YTHDF1: variants seen among roughly 807,000 people sequenced by gnomAD.
YTHDF1 encodes the protein YTH N6-methyladenosine RNA binding protein F1.
A neutral mutation model predicts 49.1 loss-of-function variants in YTHDF1; 16 were observed. The ratio of observed to expected loss-of-function variants is 0.33; its 90% CI spans 0.22 to 0.49. The LOEUF is 0.49. Among genes scored for constraint, YTHDF1 ranks in the 20% least tolerant of loss-of-function variants. The probability of loss-of-function intolerance (pLI) is 0.99; values close to 1 mark genes in which losing one functional copy is unlikely to be tolerated. For missense variants in YTHDF1, 621 were observed against 744.3 expected (o/e 0.83, Z 1.93); for synonymous variants, 313 against 290.1 (o/e 1.08, Z -0.80).
rs777226113 is a variant in YTHDF1, at chr20:63,202,848, G to A, written c.1092C>T (p.Ser364=). The A allele has an allele frequency of 5.0e-6, 8 of 1,613,922 alleles. No individual in the cohort carries two copies. In the South Asian group the frequency reaches 8.8e-5, roughly 18 times the overall value. Residue 364 remains serine, a synonymous_variant, in exon 4 of 5, where the codon TCC becomes TCT. Coordinates refer to ENST00000370339, the MANE Select transcript of YTHDF1 (RefSeq NM_017798.4). Reference sequence around the variant, plus strand: ...CCTTCAGTTTTTCAAGGACGGGGTGGGATTCGACGCTGGGGGCAGAATTAG... The same window carrying A: ...CCTTCAGTTTTTCAAGGACGGGGTGAGATTCGACGCTGGGGGCAGAATTAG... ...VQPNSAPSVE[S]HPVLEKLKAA...
Position 63,202,637 on chromosome 20 carries a change from A to G in YTHDF1, c.1303T>C (p.Tyr435His). The change falls in exon 4 of 5, where the codon TAC becomes CAC. Residue 435 changes from tyrosine (Y) to histidine (H), a missense_variant. Tyr to His is a moderately conservative substitution (Grantham distance 83). Around this residue, in one of 2 missense-constraint regions of YTHDF1, gnomAD observed 151 missense variants for 248.5 expected, o/e 0.61. Transcript: ENST00000370339. ...CTCCCATTGACGCTGAAGAGCAGGT[A>G]GACGGGCCCCTTGCTGCTCATGCAG... Reference protein sequence around the residue: ...FRCMSSKGPVYLLFSVNGSGH... With the variant: ...FRCMSSKGPVHLLFSVNGSGH... 1 of 1,613,962 alleles carries G rather than the reference A, an allele frequency of 6.2e-7. No homozygotes were observed. Among genetic ancestry groups the G allele is most frequent in the Non-Finnish European group, 8.5e-7 (1 of 1,180,034 alleles).
At position 63,215,592 on chromosome 20, in the gene YTHDF1, C is replaced by T. The variant is rs781760213; in HGVS notation, c.37G>A (p.Gly13Arg). ...CTCCGCTCACCTTTATTATCTTGTC[C>T]TTTTGTTCTCTGCACCGCCGCAGGC... ...ATSVDTQRTK[G>R]QDNKVQNGSL... Residue 13 changes from glycine to arginine, a missense_variant, in exon 2 of 5, where the codon GGA (glycine) becomes AGA (arginine). Gly to Arg is a moderately radical substitution (Grantham distance 125). This residue lies in a region of YTHDF1 where 470 missense variants were observed against 495.8 expected (regional missense o/e 0.95). Transcript: ENST00000370339. 1.4e-5 allele frequency: 23 copies of T among 1,612,064 alleles called. No homozygotes were observed. Among genetic ancestry groups the T allele is most frequent in the South Asian group, 7.7e-5 (7 of 91,006 alleles).
intron 1 of YTHDF1, 129 bp from the exon 2 acceptor site, chr20:63,215,730 C>G: frequency 7.2e-7 from 1 of 1,384,992 alleles, no homozygotes; most frequent in Non-Finnish European, 9.4e-7. Context: ...CGGTCACGTG[C>G]GACCCCGGCC....
In YTHDF1 at chr20:63,203,076, C is replaced by T. The variant is rs1475420697; in HGVS notation, c.864G>A (p.Gln288=). 1 of 1,605,844 alleles carries T rather than the reference C, an allele frequency of 6.2e-7. No homozygotes were observed. Among genetic ancestry groups the T allele is most frequent in the Non-Finnish European group, 8.5e-7 (1 of 1,175,142 alleles). ...GPVPKAPVPQ[Q]APSPQAAPQP... ...GTGGGGCAGCCTGTGGAGAGGGTGC[C>T]TGCTGGGGGACTGGGGCCTTCGGCA... Residue 288 remains glutamine, a synonymous_variant, in exon 4 of 5, where the codon CAG becomes CAA. Coordinates refer to ENST00000370339, the MANE Select transcript of YTHDF1 (RefSeq NM_017798.4). The surrounding 1 kb of genome is among the most constrained non-coding windows in gnomAD (Gnocchi z 4.4).
At chr20:63,213,202 CG>C (rs1362839908) in intron 3 of YTHDF1, among the ~76,000 whole-genome samples, 1 of 152,174 alleles carries the variant, frequency 6.6e-6, no homozygotes, top group Non-Finnish European at 1.5e-5. Context: ...GAGGCCGAGG[CG>C]GGTGGATCAC....
intron 2 of YTHDF1, among the ~76,000 whole-genome samples, chr20:63,214,815 T>G (rs566878978): frequency 6.6e-5 from 10 of 152,204 alleles, no homozygotes; most frequent in Non-Finnish European, 8.8e-5. Context: ...TTTTTTGTCT[T>G]AGAAGCTATC....
rs563084546 is a variant in YTHDF1 at position 63,215,472 on chromosome 20, G to A, written c.52+105C>T. 3.8e-5 allele frequency: 57 copies of A among 1,489,242 alleles called. No individual in the cohort carries two copies. The South Asian group carries it at 5.4e-4, about 14-fold the overall frequency. The allele number at this position is 1,489,242 out of a possible 1,614,324, so 92.3% of individuals were successfully genotyped here. A position where few individuals can be genotyped will look rare whatever the true frequency, so the allele number is the denominator to read the frequency against. On this transcript the variant is annotated intron_variant, in intron 2 of 4. Coordinates refer to ENST00000370339, the MANE Select transcript of YTHDF1 (RefSeq NM_017798.4). ...CCTCAAGTTTTATCTCCCTGAAGCT[G>A]GCGGAAGAGAGAAAGTTTCCGGTTC... is the stretch of plus-strand genomic sequence containing the variant.
Position 63,203,171 on chromosome 20 carries a change from C to G in YTHDF1, c.769G>C (p.Gly257Arg). ...KMKTKSGPVM[G>R]GGLPPPPIKH... ...ATGGGTGGAGGGGGCAGCCCACCCC[C>G]CATGACAGGCCCGCTCTTTGTTTTC... Residue 257 changes from glycine (G) to arginine (R), a missense_variant, in exon 4 of 5, where the codon GGG becomes CGG. Transcript: ENST00000370339. This position sits in a 1 kb window ranked among gnomAD's most constrained non-coding sequence, Gnocchi z 4.4. 1 of 1,613,856 alleles carries G rather than the reference C, an allele frequency of 6.2e-7. No homozygotes were observed. The highest frequency in any genetic ancestry group is 8.5e-7 in the Non-Finnish European group (1 of 1,180,032).
In YTHDF1 at chr20:63,195,466, C is replaced by T. The variant is rs1209672081; in HGVS notation, c.*1242G>A. On this transcript the variant is annotated 3_prime_UTR_variant, in exon 5 of 5. Coordinates refer to ENST00000370339, the MANE Select transcript of YTHDF1 (RefSeq NM_017798.4). The stretch of plus-strand genomic sequence containing the variant: ...TATTGTTTATTAAGGCTTGTATTCT[C>T]CTAGAGGAAAAACCCAATGTCGTCC... 6.6e-6 allele frequency: 1 copy of T among 152,648 alleles called. No homozygotes were observed. Among genetic ancestry groups the T allele is most frequent in the Non-Finnish European group, 1.5e-5 (1 of 68,036 alleles). 9.5% of individuals were successfully genotyped at this position (152,648 alleles called of 1,614,324 possible). A position where few individuals can be genotyped will look rare whatever the true frequency, so the allele number is the denominator to read the frequency against.
At position 63,196,629 on chromosome 20, in the gene YTHDF1, C is replaced by T. The variant is rs2066493613; in HGVS notation, c.*79G>A. 3 of 1,577,924 alleles carry T rather than the reference C, an allele frequency of 1.9e-6. No homozygotes were observed. The East Asian group carries it at 6.8e-5, about 36-fold the overall frequency. ...CACTCAACCCCCGCACGGGACGACA[C>T]ACTGGAGCTGACCAAGCACACGTGT... On this transcript the variant is annotated 3_prime_UTR_variant, in exon 5 of 5. Coordinates refer to ENST00000370339, the MANE Select transcript of YTHDF1 (RefSeq NM_017798.4).
At chr20:63,213,792 G>C in intron 3 of YTHDF1, 72 bp downstream of exon 3, 1 of 1,351,758 alleles carries the variant, frequency 7.4e-7, no homozygotes, top group African/African-American at 1.5e-5. Context: ...TTAAAAATCA[G>C]AAATGACAGT....
intron 4 of YTHDF1, among the ~76,000 whole-genome samples, chr20:63,199,274 C>T (rs1458645083): frequency 6.6e-6 from 1 of 152,230 alleles, no homozygotes; most frequent in Non-Finnish European, 1.5e-5. Flanking sequence ...AATCCCAGCA[C>T]TTTGGGAGGC....
chr20:63,202,923 C>G lies in YTHDF1; in HGVS notation c.1017G>C (p.Gly339=). The G allele has an allele frequency of 1.2e-6, 2 of 1,614,086 alleles. No individual in the cohort carries two copies. Among genetic ancestry groups the G allele is most frequent in the Non-Finnish European group, 1.7e-6 (2 of 1,180,052 alleles). The change falls in exon 4 of 5, where the codon GGG becomes GGC. Residue 339 remains glycine (G), a synonymous_variant. Transcript: ENST00000370339. ...TATCGCTGCCAGCCCCTCCGCTCTG[C>G]CCAAACGCCGCGTTTCTGTTGCGTG... ...VAPRNRNAAF[G]QSGGAGSDSN...
Position 63,196,582 on chromosome 20 carries a change from G to A in YTHDF1, c.*126C>T, listed in dbSNP as rs917781005. ...CAGATCCATCTGGGCAAAAATCAAC[G>A]ACAAGAAAGGCAAAGATGCAACACT... On this transcript the variant is annotated 3_prime_UTR_variant, in exon 5 of 5. Coordinates refer to ENST00000370339, the MANE Select transcript of YTHDF1 (RefSeq NM_017798.4). The A allele has an allele frequency of 3.1e-5, 35 of 1,133,598 alleles. No individual in the cohort carries two copies. Among genetic ancestry groups the A allele is most frequent in the South Asian group, 2.2e-4 (15 of 66,920 alleles). 70.2% of individuals were successfully genotyped at this position (1,133,598 alleles called of 1,614,324 possible).
At chr20:63,211,570 C>T (rs1238216680) in intron 3 of YTHDF1, among the ~76,000 whole-genome samples, 1 of 152,176 alleles carries the variant, frequency 6.6e-6, no homozygotes, top group South Asian at 2.1e-4. Flanking sequence ...ATACTGTATA[C>T]TCTACATATG....
Position 63,202,344 on chromosome 20 carries a change from G to T in YTHDF1, c.1596C>A (p.Ile532=). 6.2e-7 allele frequency: 1 copy of T among 1,614,256 alleles called. No homozygotes were observed. The highest frequency in any genetic ancestry group is 8.5e-7 in the Non-Finnish European group (1 of 1,180,032). The change falls in exon 4 of 5, where the codon ATC becomes ATA. Residue 532 remains isoleucine (I), a synonymous_variant. Transcript: ENST00000370339. ...IISSYKHTTS[I]FDDFAHYEKR... The stretch of plus-strand genomic sequence containing the variant: ...TCTCGTAGTGAGCAAAGTCGTCGAA[G>T]ATGGAGGTTGTGTGCTTGTAGGAAC...
intron 3 of YTHDF1, among the ~76,000 whole-genome samples, chr20:63,204,170 A>G (rs1373872057): frequency 6.6e-6 from 1 of 152,240 alleles, no homozygotes; most frequent in Non-Finnish European, 1.5e-5. Flanking sequence ...GACAACGCTT[A>G]TGACAGACAC....
intron 3 of YTHDF1, among the ~76,000 whole-genome samples, chr20:63,205,096 C>T (rs977226007): frequency 6.6e-6 from 1 of 152,184 alleles, no homozygotes; most frequent in East Asian, 1.9e-4. Context: ...CCCCGCCCCC[C>T]AGTCCCCCAA....
intron 2 of YTHDF1, 111 bp from the exon 3 acceptor site, chr20:63,214,054 C>G: frequency 7.0e-7 from 1 of 1,438,300 alleles, no homozygotes; most frequent in South Asian, 1.4e-5. Flanking sequence ...AGAAATTATG[C>G]TTTAATTTTA....
Sources: gnomAD v4.1 joint callset for allele counts (sites outside exome capture counted in the v4.1 genomes callset) on GRCh38, gnomAD v4.1.1 for gene constraint, gnomAD v4.1.1 regional missense constraint, Gnocchi (gnomAD v3.1) non-coding constraint, MANE v1.5 for transcripts, NCBI Gene and HGNC (gene_info 2026-07-23, HGNC 2026-07-21) for gene names.